The following RECQL5 variants were observed in gnomAD, a reference collection of about 807,000 sequenced individuals.
The protein encoded by RECQL5 is ATP-dependent DNA helicase Q5.
RECQL5 carries 88 observed loss-of-function variants against 103.4 expected under a neutral mutation model. The ratio of observed to expected loss-of-function variants is 0.85; its 90% CI spans 0.72 to 1.02. The LOEUF is 1.02. Among genes scored for constraint, RECQL5 ranks in the 50% least tolerant of loss-of-function variants. The pLI, the probability that RECQL5 is intolerant of heterozygous loss-of-function variation, is 0.00. For synonymous variants in RECQL5, 552 were observed against 507.9 expected, an observed-to-expected ratio of 1.09 and a Z score of -1.17; for missense variants, 1,232 against 1,284.3, an observed-to-expected ratio of 0.96 and a Z score of 0.62.
chr17:75,644,920 T>C (rs905638182), intron 8 of RECQL5, among the ~76,000 whole-genome samples: 3 of 152,208 alleles, frequency 2.0e-5, no homozygotes, highest in African/African-American at 7.2e-5. Context: ...CTAAGTTCTC[T>C]ACACATCTAT....
Position 75,628,354 on chromosome 17 carries a change from C to G in RECQL5, c.2669G>C (p.Ser890Thr), listed in dbSNP as rs928380682. 13 of 1,613,920 alleles carry G rather than the reference C, an allele frequency of 8.1e-6. No homozygotes were observed. The highest frequency in any genetic ancestry group is 4.0e-5 in the African/African-American group (3 of 74,924). ...VAEVKGSVSA[S>T]EQGTLNPTAQ... Reference sequence around the variant, plus strand: ...CGTGGGATTCAAGGTGCCCTGTTCGCTGGCCGAGACGCTGCCCTTGACCTC... The same window carrying G: ...CGTGGGATTCAAGGTGCCCTGTTCGGTGGCCGAGACGCTGCCCTTGACCTC... Residue 890 changes from serine to threonine, a missense_variant, in exon 18 of 20, where the codon AGC (serine) becomes ACC (threonine). Physicochemically the swap from Ser to Thr is moderately conservative, Grantham distance 58. Coordinates refer to ENST00000317905, the MANE Select transcript of RECQL5 (RefSeq NM_004259.7).
At chr17:75,654,266 C>T (rs990123672) in intron 7 of RECQL5, among the ~76,000 whole-genome samples, 1 of 152,212 alleles carries the variant, frequency 6.6e-6, no homozygotes, top group Non-Finnish European at 1.5e-5. Flanking sequence ...ACTGTCCTAA[C>T]ATAATGAACA....
At position 75,661,822 on chromosome 17, in the gene RECQL5, T is replaced by C. The variant is rs1221568111; in HGVS notation, c.772-114A>G. ...GTGTTCCTTCTCTCGTCGGCTTCAG[T>C]CTCTTCTGAGGCAGGACACCCAGTG... On this transcript the variant is annotated intron_variant, in intron 4 of 19. Transcript: ENST00000317905. 4 of 731,126 alleles carry C rather than the reference T, an allele frequency of 5.5e-6. 1 individual carries two copies. The highest frequency in any genetic ancestry group is 3.4e-5 in the South Asian group (2 of 59,200). The allele number at this position is 731,126 out of a possible 1,614,324, so 45.3% of individuals were successfully genotyped here. A position where few individuals can be genotyped will look rare whatever the true frequency, so the allele number is the denominator to read the frequency against.
At chr17:75,651,402 A>G (rs2059554250) in intron 7 of RECQL5, 137 bp from the exon 8 acceptor site, 8 of 962,588 alleles carry the variant, frequency 8.3e-6, no homozygotes, top group Non-Finnish European at 1.3e-5. Flanking sequence ...CAGGAGGATC[A>G]TTTGAGGTCA....
chr17:75,641,956 G>A (rs2059440685), intron 8 of RECQL5, among the ~76,000 whole-genome samples: 1 of 152,152 alleles, frequency 6.6e-6, no homozygotes, highest in African/African-American at 2.4e-5. Context: ...TTTGCTGTGA[G>A]GATAAACTAA....
intron 8 of RECQL5, among the ~76,000 whole-genome samples, chr17:75,642,201 G>A (rs770637467): frequency 6.6e-6 from 1 of 152,198 alleles, no homozygotes; most frequent in Non-Finnish European, 1.5e-5. Context: ...GTGAGGGGAG[G>A]GGAGGCACAT....
rs1431591038 is a variant in RECQL5 at position 75,627,523 on chromosome 17, C to G, written c.2876-1G>C. The G allele has an allele frequency of 1.9e-6, 3 of 1,613,858 alleles. No homozygotes were observed. Among genetic ancestry groups the G allele is most frequent in the Non-Finnish European group, 2.5e-6 (3 of 1,179,906 alleles). On this transcript the variant is annotated splice_acceptor_variant, in intron 19 of 19. Transcript: ENST00000317905. LOFTEE classifies it high-confidence loss of function. Reference sequence around the variant, plus strand: ...ATGAGGTTCTGGGCCTCTTCTTTCACTACAGATTCAGGGTGGGGGCATGAG... The same window carrying G: ...ATGAGGTTCTGGGCCTCTTCTTTCAGTACAGATTCAGGGTGGGGGCATGAG...
At chr17:75,633,913 C>A (rs180971077) in intron 8 of RECQL5, 679 of 987,812 alleles carry the variant, frequency 6.9e-4, no homozygotes, top group Admixed American at 1.3e-3. Context: ...CTTGTCTTGT[C>A]CCTGAGCAGC....
intron 8 of RECQL5, chr17:75,650,063 A>G (rs1459052441): frequency 1.0e-6 from 1 of 985,576 alleles, no homozygotes; most frequent in Non-Finnish European, 1.2e-6. Context: ...AGGACTCACA[A>G]TGAACAGGAA....
rs1262986191 is a variant in RECQL5 at position 75,663,004 on chromosome 17, G to A, written c.253-7C>T. 1.3e-6 allele frequency: 2 copies of A among 1,579,516 alleles called. No homozygotes were observed. Among genetic ancestry groups the A allele is most frequent in the Non-Finnish European group, 1.7e-6 (2 of 1,162,820 alleles). On this transcript the variant is annotated splice_polypyrimidine_tract_variant and splice_region_variant and intron_variant, in intron 3 of 19. Transcript: ENST00000317905. Reference sequence around the variant, plus strand: ...GCAAGTGGTCCACTTGGTCCTAAGAGAAGAGAAAGAGGCTGTAACTGGCCC... The same window carrying A: ...GCAAGTGGTCCACTTGGTCCTAAGAAAAGAGAAAGAGGCTGTAACTGGCCC...
chr17:75,651,187 C>T lies in RECQL5; in HGVS notation c.1228G>A (p.Gly410Arg). The change falls in exon 8 of 20, where the codon GGG becomes AGG. Residue 410 changes from glycine to arginine, a missense_variant and splice_region_variant. Physicochemically the swap from Gly to Arg is moderately radical, Grantham distance 125. Transcript: ENST00000317905. The stretch of plus-strand genomic sequence containing the variant: ...CCACATATAAAATAAGTCACTTACC[C>T]CAGTTCTTCACAGAAGGTCACCAGG... ...DALVTFCEEL[G>R]CRHAAIAKYF... 1 of 1,614,146 alleles carries T rather than the reference C, an allele frequency of 6.2e-7. No individual in the cohort carries two copies. Among genetic ancestry groups the T allele is most frequent in the Non-Finnish European group, 8.5e-7 (1 of 1,180,028 alleles).
At chr17:75,631,961 T>G (rs1045055656) in intron 8 of RECQL5, among the ~76,000 whole-genome samples, 7 of 152,228 alleles carry the variant, frequency 4.6e-5, no homozygotes, top group African/African-American at 1.7e-4. Context: ...TCCTCCCCTC[T>G]GTCCTCTGGC....
At chr17:75,656,893 C>T (rs972628629) in intron 7 of RECQL5, among the ~76,000 whole-genome samples, 3 of 151,958 alleles carry the variant, frequency 2.0e-5, no homozygotes, top group South Asian at 2.1e-4. Flanking sequence ...TACAGGCGCC[C>T]GCCACCACGC....
In RECQL5 at chr17:75,640,883, C is replaced by T; in HGVS notation, c.1230-9215G>A. 4 of 1,545,744 alleles carry T rather than the reference C, an allele frequency of 2.6e-6. No individual in the cohort carries two copies. The highest frequency in any genetic ancestry group is 1.7e-6 in the Non-Finnish European group (2 of 1,146,924). On this transcript the variant is annotated intron_variant, in intron 8 of 19. Transcript: ENST00000317905. The surrounding 1 kb of genome is among the most constrained non-coding windows in gnomAD (Gnocchi z 4.6). ...GAGAGGCAGGAAGGTCCAGGTGCAG[C>T]CGACACCACCATGACGGACGGGCGA...
At chr17:75,645,613 G>A (rs1238047468) in intron 8 of RECQL5, among the ~76,000 whole-genome samples, 2 of 152,234 alleles carry the variant, frequency 1.3e-5, no homozygotes, top group African/African-American at 2.4e-5. Flanking sequence ...GTGAGCTAGA[G>A]ACTGGCCCAC....
chr17:75,649,817 G>T, intron 8 of RECQL5: 1 of 985,444 alleles, frequency 1.0e-6, no homozygotes, highest in South Asian at 4.7e-5. Context: ...GCGCAACACC[G>T]TCACCTGGAC....
At chr17:75,663,581 T>C (rs1228964638) in intron 3 of RECQL5, among the ~76,000 whole-genome samples, 4 of 152,156 alleles carry the variant, frequency 2.6e-5, no homozygotes, top group African/African-American at 7.2e-5. Flanking sequence ...TCAATCTCTA[T>C]GGAAGGTGAA....
intron 6 of RECQL5, among the ~76,000 whole-genome samples, chr17:75,659,722 C>T (rs768271103): frequency 3.3e-5 from 5 of 152,186 alleles, no homozygotes; most frequent in South Asian, 4.1e-4. Context: ...TATAAAATTT[C>T]GTCCCTAACT....
rs2059185605 is a variant in RECQL5 at position 75,630,438 on chromosome 17, T to G, written c.1719-161A>C. ...TGGCTTACTGTCCCTCAGCAGCTGCTGGTAGCACCTAAGTTGTAGCCATGC... is the reference window on the plus strand; with the variant it reads ...TGGCTTACTGTCCCTCAGCAGCTGCGGGTAGCACCTAAGTTGTAGCCATGC... On this transcript the variant is annotated intron_variant, in intron 13 of 19. Coordinates refer to ENST00000317905, the MANE Select transcript of RECQL5 (RefSeq NM_004259.7). The G allele has an allele frequency of 3.5e-6, 3 of 867,138 alleles. No homozygotes were observed. The Admixed American group carries it at 7.6e-5, about 22-fold the overall frequency. 53.7% of individuals were successfully genotyped at this position (867,138 alleles called of 1,614,324 possible). A position where few individuals can be genotyped will look rare whatever the true frequency, so the allele number is the denominator to read the frequency against.
Sources: allele counts gnomAD v4.1 joint callset (sites outside exome capture counted in the v4.1 genomes callset), GRCh38; gene constraint gnomAD v4.1.1; non-coding constraint Gnocchi (gnomAD v3.1); transcripts MANE v1.5; gene names NCBI Gene and HGNC (gene_info 2026-07-23, HGNC 2026-07-21).